MCM5: variants seen among roughly 807,000 people sequenced by gnomAD.
The protein encoded by MCM5 is minichromosome maintenance complex component 5.
Under a neutral mutation model 79.9 loss-of-function variants are expected in MCM5, and 46 were observed. The observed-to-expected ratio is 0.58, with a 90% CI of 0.45 to 0.74. The LOEUF (loss-of-function observed/expected upper bound fraction) is 0.74, where lower values mean the gene tolerates loss of function less well. MCM5 is among the 30% of genes least tolerant of loss of function. The pLI, the probability that MCM5 is intolerant of heterozygous loss-of-function variation, is 0.00. For synonymous variants in MCM5, 404 were observed against 390.5 expected, an observed-to-expected ratio of 1.03 and a Z score of -0.41; for missense variants, 883 against 1,017.0, an observed-to-expected ratio of 0.87 and a Z score of 1.79.
rs1240711293 is a variant in MCM5 at position 35,406,720 on chromosome 22, C to T, written c.591C>T (p.Cys197=). Residue 197 remains cysteine, a synonymous_variant, in exon 5 of 17, where the codon TGC becomes TGT. Coordinates refer to ENST00000216122, the MANE Select transcript of MCM5 (RefSeq NM_006739.4). ...GLEGYALPRK[C]NTDQAGRPKC... The stretch of plus-strand genomic sequence containing the variant: ...AGGGCTATGCCCTGCCCAGGAAGTG[C>T]AACACGTGAGTCTGTGGCCCAGAGG... 3.1e-6 allele frequency: 5 copies of T among 1,606,942 alleles called. No homozygotes were observed. Among genetic ancestry groups the T allele is most frequent in the Non-Finnish European group, 4.2e-6 (5 of 1,179,914 alleles).
At chr22:35,413,782 G>T in intron 8 of MCM5, 93 bp from the exon 9 acceptor site, 1 of 753,652 alleles carries the variant, frequency 1.3e-6, no homozygotes, top group East Asian at 2.5e-5. Flanking sequence ...ATAGTTGGGG[G>T]AGTCAACTGC....
chr22:35,404,207 G>A (rs1033677810), intron 4 of MCM5, among the ~76,000 whole-genome samples: 1 of 152,132 alleles, frequency 6.6e-6, no homozygotes, highest in African/African-American at 2.4e-5. Flanking sequence ...AAACATCAAA[G>A]ATCTCTTAGT....
chr22:35,407,582 C>T (rs1932255150), intron 5 of MCM5, among the ~76,000 whole-genome samples: 1 of 152,056 alleles, frequency 6.6e-6, no homozygotes, highest in African/African-American at 2.4e-5. Context: ...CCCAGTCTCA[C>T]TGCCTTTGAC....
At chr22:35,453,620 TAAAG>T in the MCM5 span, among the ~76,000 whole-genome samples, 1 of 137,228 alleles carries the variant, frequency 7.3e-6, no homozygotes, top group African/African-American at 2.8e-5. Context: ...GACAGAGAGA[TAAAG>T]ACAGAGACAG....
rs1196712784 is a variant in MCM5 at position 35,402,331 on chromosome 22, GT to G, written c.168-863del. Among the ~76,000 whole-genome samples, 347 of 141,780 alleles carry G rather than the reference GT, an allele frequency of 2.4e-3. 1 individual carries two copies. Among genetic ancestry groups the G allele is most frequent in the African/African-American group, 6.6e-3 (257 of 38,972 alleles). 93.0% of individuals were successfully genotyped at this position (141,780 alleles called of 152,430 possible). A position where few individuals can be genotyped will look rare whatever the true frequency, so the allele number is the denominator to read the frequency against. ...CAGTTTTTTTGTTGTTTTGTTTTTT[GT>G]TTTTTTTTTTTTGAGATGGAGTCTC... is the stretch of plus-strand genomic sequence containing the variant. On this transcript the variant is annotated intron_variant, in intron 2 of 16. Coordinates refer to ENST00000216122, the MANE Select transcript of MCM5 (RefSeq NM_006739.4).
chr22:35,420,244 G>A (rs1932661402), intron 14 of MCM5, among the ~76,000 whole-genome samples: 2 of 152,310 alleles, frequency 1.3e-5, no homozygotes, highest in South Asian at 4.1e-4. Flanking sequence ...TCTGAATTTG[G>A]CCTGGCTTCT....
downstream of MCM5, among the ~76,000 whole-genome samples, chr22:35,427,126 A>G (rs1434523298): frequency 5.3e-5 from 8 of 152,364 alleles, no homozygotes; most frequent in Admixed American, 3.3e-4. Context: ...GAGGATACAC[A>G]TGCTAACTAC....
Position 35,423,214 on chromosome 22 carries a change from G to A in MCM5, c.1976G>A (p.Gly659Glu). 1.9e-6 allele frequency: 3 copies of A among 1,579,966 alleles called. No individual in the cohort carries two copies. The highest frequency in any genetic ancestry group is 2.6e-6 in the Non-Finnish European group (3 of 1,158,090). Reference protein sequence around the residue: ...LDAALSGTLSGVEGFTSQEDQ... With the variant: ...LDAALSGTLSEVEGFTSQEDQ... Reference sequence around the variant, plus strand: ...CTGCCTCACTTCTCCATGCCCACAGGGGTGGAGGGCTTCACCAGCCAGGAG... The same window carrying A: ...CTGCCTCACTTCTCCATGCCCACAGAGGTGGAGGGCTTCACCAGCCAGGAG... Residue 659 changes from glycine to glutamate, a missense_variant and splice_region_variant, in exon 16 of 17, where the codon GGG (glycine) becomes GAG (glutamate). Transcript: ENST00000216122.
the MCM5 span, among the ~76,000 whole-genome samples, chr22:35,442,134 G>A: frequency 1.3e-5 from 2 of 151,954 alleles, no homozygotes; most frequent in Non-Finnish European, 2.9e-5. Flanking sequence ...GCTTGGCGTT[G>A]TTTCCCGGCT....
the MCM5 span, among the ~76,000 whole-genome samples, chr22:35,451,813 A>G: frequency 5.3e-5 from 8 of 152,332 alleles, no homozygotes; most frequent in South Asian, 2.1e-4. Flanking sequence ...GGAAGGGAGC[A>G]TGAGAGGCGG....
intron 14 of MCM5, 62 bp downstream of exon 14, chr22:35,420,074 C>T: frequency 6.5e-7 from 1 of 1,527,100 alleles, no homozygotes. Context: ...GCAGGGTGTG[C>T]TTGGCAACCA....
chr22:35,400,638 C>T, intron 2 of MCM5, 33 bp downstream of exon 2: 3 of 1,550,216 alleles, frequency 1.9e-6, no homozygotes, highest in Non-Finnish European at 2.6e-6. Flanking sequence ...GGCTCGAGTT[C>T]CAGTGTGGCC....
chr22:35,441,251 T>C, the MCM5 span, among the ~76,000 whole-genome samples: 2 of 152,164 alleles, frequency 1.3e-5, no homozygotes, highest in Non-Finnish European at 2.9e-5. Flanking sequence ...CCATCAGAGT[T>C]ACAGGATGCT....
intron 9 of MCM5, among the ~76,000 whole-genome samples, chr22:35,415,437 A>G (rs751691355): frequency 1.3e-5 from 2 of 151,776 alleles, no homozygotes; most frequent in Non-Finnish European, 2.9e-5. Context: ...GTCTATATAG[A>G]GACGACAAGG....
chr22:35,427,102 C>T (rs1932783510), downstream of MCM5, among the ~76,000 whole-genome samples: 1 of 152,208 alleles, frequency 6.6e-6, no homozygotes, highest in Non-Finnish European at 1.5e-5. Context: ...AGCCTAAGCG[C>T]AGGTATCACT....
chr22:35,410,548 G>A, intron 6 of MCM5, 196 bp from the exon 7 acceptor site: 1 of 589,968 alleles, frequency 1.7e-6, no homozygotes. Flanking sequence ...CCTCCAAGCA[G>A]CTGAGCATGG....
chr22:35,404,330 T>A (rs1932151111), intron 4 of MCM5, among the ~76,000 whole-genome samples: 1 of 152,212 alleles, frequency 6.6e-6, no homozygotes, highest in African/African-American at 2.4e-5. Context: ...TTTAAATCTC[T>A]TTTAATCCAG....
chr22:35,423,234 C>T lies in MCM5; in HGVS notation c.1996C>T (p.Gln666Ter). The change falls in exon 16 of 17, where the codon CAG (glutamine) becomes TAG (stop). Residue 666 changes from glutamine (Q) to a stop codon, truncating the protein, a stop_gained. Coordinates refer to ENST00000216122, the MANE Select transcript of MCM5 (RefSeq NM_006739.4). LOFTEE classifies it high-confidence loss of function. Reference sequence around the variant, plus strand: ...CACAGGGGTGGAGGGCTTCACCAGCCAGGAGGACCAGGAGATGCTGAGCCG... The same window carrying T: ...CACAGGGGTGGAGGGCTTCACCAGCTAGGAGGACCAGGAGATGCTGAGCCG... ...TLSGVEGFTS[Q>*]EDQEMLSRIE... 6.3e-7 allele frequency: 1 copy of T among 1,593,102 alleles called. No individual in the cohort carries two copies. Among genetic ancestry groups the T allele is most frequent in the Non-Finnish European group, 8.6e-7 (1 of 1,166,528 alleles).
chr22:35,450,290 C>T, the MCM5 span, among the ~76,000 whole-genome samples: 4 of 150,312 alleles, frequency 2.7e-5, no homozygotes, highest in African/African-American at 9.9e-5. Context: ...CTTCTCTGAT[C>T]TTGAGTTTCC....
Sources: gnomAD v4.1 joint callset for allele counts (sites outside exome capture counted in the v4.1 genomes callset) on GRCh38, gnomAD v4.1.1 for gene constraint, MANE v1.5 for transcripts, NCBI Gene and HGNC (gene_info 2026-07-23, HGNC 2026-07-21) for gene names.